HPSE2: variants seen among roughly 807,000 people sequenced by gnomAD.
HPSE2 encodes the protein heparanase 2 (inactive), also known as inactive heparanase-2.
Under a neutral mutation model 60.5 loss-of-function variants are expected in HPSE2, and 38 were observed. That is an observed-to-expected ratio of 0.63 (90% confidence interval 0.48 to 0.82). HPSE2 has a LOEUF of 0.82. Ranked by LOEUF, HPSE2 falls within the 40% of genes least tolerant of loss-of-function variation. HPSE2 has a pLI of 0.00. For synonymous variants in HPSE2, 295 were observed against 293.2 expected (o/e 1.01, Z -0.06); for missense variants, 713 against 740.4 (o/e 0.96, Z 0.43).
chr10:98,770,172 A>AACTT (rs1358632458), intron 3 of HPSE2, among the ~76,000 whole-genome samples: 1 of 152,156 alleles, frequency 6.6e-6, no homozygotes, highest in Non-Finnish European at 1.5e-5. Context: ...AGCTGTTGGA[A>AACTT]ACTTGGTATG....
intron 5 of HPSE2, among the ~76,000 whole-genome samples, chr10:98,698,614 A>G (rs1948303704): frequency 6.6e-6 from 1 of 152,164 alleles, no homozygotes; most frequent in Non-Finnish European, 1.5e-5. Context: ...TTCAAAAGCT[A>G]GCAGAAGGCA....
chr10:99,053,586 T>C (rs756993228), intron 3 of HPSE2, among the ~76,000 whole-genome samples: 2 of 152,058 alleles, frequency 1.3e-5, no homozygotes, highest in African/African-American at 2.4e-5. Flanking sequence ...ACAAAATATT[T>C]GCTGAAACCA....
chr10:99,236,027 T>C (rs939928003), upstream of HPSE2, among the ~76,000 whole-genome samples: 3 of 150,086 alleles, frequency 2.0e-5, no homozygotes, highest in Non-Finnish European at 4.4e-5. Flanking sequence ...TTTTTAATTT[T>C]TTTTTTCAGT....
chr10:98,829,869 T>C (rs1228670328), intron 3 of HPSE2, among the ~76,000 whole-genome samples: 3 of 152,168 alleles, frequency 2.0e-5, no homozygotes. Flanking sequence ...CTTTTTAAAA[T>C]TTTATTTCTT....
At chr10:98,555,522 C>T (rs146962202) in intron 9 of HPSE2, among the ~76,000 whole-genome samples, 75 of 152,300 alleles carry the variant, frequency 4.9e-4, no homozygotes, top group Middle Eastern at 3.4e-3. Context: ...CCACGGGATT[C>T]GTTTGTCCAT....
intron 3 of HPSE2, among the ~76,000 whole-genome samples, chr10:98,968,510 A>T (rs2135258954): frequency 6.6e-6 from 1 of 152,340 alleles, no homozygotes; most frequent in East Asian, 1.9e-4. Flanking sequence ...GTATTTACGC[A>T]AAGAAAAATA....
chr10:98,546,041 C>T (rs1360228332), intron 9 of HPSE2, among the ~76,000 whole-genome samples: 2 of 130,668 alleles, frequency 1.5e-5, no homozygotes, highest in Non-Finnish European at 3.4e-5. Flanking sequence ...CATGAGTGAA[C>T]TCCCATTAAC....
At chr10:98,904,945 C>G (rs1953767716) in intron 3 of HPSE2, among the ~76,000 whole-genome samples, 1 of 152,066 alleles carries the variant, frequency 6.6e-6, no homozygotes, top group Admixed American at 6.5e-5. Context: ...TGTTCTGACT[C>G]TTCTGTGTAA....
At position 98,863,541 on chromosome 10, in the gene HPSE2, T is replaced by C. The variant is rs1952511638; in HGVS notation, c.611-119485A>G. 3.3e-5 allele frequency among the ~76,000 whole-genome samples: 5 copies of C among 152,312 alleles called. No individual in the cohort carries two copies. The South Asian group carries it at 1.0e-3, about 32-fold the overall frequency. On this transcript the variant is annotated intron_variant, in intron 3 of 11. Coordinates refer to ENST00000370552, the MANE Select transcript of HPSE2 (RefSeq NM_021828.5). ...CCTGTCCAATGCCACTGAAGGTTAGTCAGTAGAAGAAACCTACAGGCAGCC... is the reference window on the plus strand; with the variant it reads ...CCTGTCCAATGCCACTGAAGGTTAGCCAGTAGAAGAAACCTACAGGCAGCC...
At chr10:98,987,948 C>T (rs375114628) in intron 3 of HPSE2, among the ~76,000 whole-genome samples, 1 of 152,040 alleles carries the variant, frequency 6.6e-6, no homozygotes, top group African/African-American at 2.4e-5. Context: ...GGATGTGAAG[C>T]ACCTCTTCAA....
At chr10:98,566,792 A>G (rs1454141208) in intron 9 of HPSE2, among the ~76,000 whole-genome samples, 1 of 152,158 alleles carries the variant, frequency 6.6e-6, no homozygotes, top group Non-Finnish European at 1.5e-5. Context: ...GAAGGGTTTG[A>G]GTTAGAGGCT....
At chr10:98,757,500 C>G (rs1386730084) in intron 3 of HPSE2, among the ~76,000 whole-genome samples, 1 of 152,020 alleles carries the variant, frequency 6.6e-6, no homozygotes, top group East Asian at 1.9e-4. Flanking sequence ...GATACAAAGT[C>G]AATATACAAA....
intron 3 of HPSE2, among the ~76,000 whole-genome samples, chr10:99,102,650 G>A (rs1251751797): frequency 6.6e-6 from 1 of 152,142 alleles, no homozygotes; most frequent in African/African-American, 2.4e-5. Flanking sequence ...GCATCATCCT[G>A]ATACCAAAGC....
intron 6 of HPSE2, among the ~76,000 whole-genome samples, chr10:98,672,224 G>A (rs1250314264): frequency 6.6e-6 from 1 of 151,740 alleles, no homozygotes; most frequent in Non-Finnish European, 1.5e-5. Flanking sequence ...AGAGAAAAAG[G>A]GGAAAAAAAT....
chr10:99,148,046 T>C (rs1420021581), intron 2 of HPSE2, among the ~76,000 whole-genome samples: 1 of 152,234 alleles, frequency 6.6e-6, no homozygotes, highest in African/African-American at 2.4e-5. Context: ...GAATACCAGC[T>C]TAATATAAGT....
intron 3 of HPSE2, among the ~76,000 whole-genome samples, chr10:99,115,649 C>T (rs778688077): frequency 1.4e-4 from 22 of 152,118 alleles, no homozygotes; most frequent in Middle Eastern, 3.4e-3. Context: ...CTGTACAATA[C>T]GTACAGTTTT....
intron 9 of HPSE2, among the ~76,000 whole-genome samples, chr10:98,496,818 T>C (rs1941855422): frequency 6.6e-6 from 1 of 152,218 alleles, no homozygotes; most frequent in Non-Finnish European, 1.5e-5. Flanking sequence ...CCTTTAGTTG[T>C]ATACAGTATA....
intron 3 of HPSE2, among the ~76,000 whole-genome samples, chr10:98,757,213 C>G (rs1423463787): frequency 6.6e-6 from 1 of 152,248 alleles, no homozygotes; most frequent in East Asian, 1.9e-4. Flanking sequence ...GGCAAACCCA[C>G]GGCCAGTAAT....
At chr10:99,110,592 A>G (rs1371446488) in intron 3 of HPSE2, among the ~76,000 whole-genome samples, 3 of 152,180 alleles carry the variant, frequency 2.0e-5, no homozygotes, top group Admixed American at 6.5e-5. Flanking sequence ...ATTGGCCATT[A>G]AAAATAATGA....
Sources: gnomAD v4.1 joint callset for allele counts (sites outside exome capture counted in the v4.1 genomes callset) on GRCh38, gnomAD v4.1.1 for gene constraint, MANE v1.5 for transcripts, NCBI Gene and HGNC (gene_info 2026-07-23, HGNC 2026-07-21) for gene names.